Variants in ROBO2 observed in about 807,000 individuals in gnomAD.
ROBO2 encodes roundabout guidance receptor 2.
Under a neutral mutation model 160.8 loss-of-function variants are expected in ROBO2, and 53 were observed. That is an observed-to-expected ratio of 0.33 (90% CI 0.26 to 0.41). The LOEUF (loss-of-function observed/expected upper bound fraction) is 0.41. ROBO2 is among the 10% of genes least tolerant of loss of function. The pLI, the probability that ROBO2 is intolerant of heterozygous loss-of-function variation, is 1.00. For missense variants in ROBO2, 1,577 were observed against 1,722.4 expected, an observed-to-expected ratio of 0.92 and a Z score of 1.49; for synonymous variants, 664 against 611.7, an observed-to-expected ratio of 1.09 and a Z score of -1.26.
In ROBO2 at chr3:77,493,661, A is replaced by C. The variant is rs78240765; in HGVS notation, c.806+279A>C. On this transcript the variant is annotated intron_variant, in intron 5 of 25. Coordinates refer to ENST00000461745, the Ensembl canonical transcript of ROBO2. ...TTCCTGGGTGCCTTCTTTCCCCTGG[A>C]CCCTTTGAGGTATACCATTCTGTTC... Among the ~76,000 whole-genome samples, 1,385 of 151,996 alleles carry C rather than the reference A, an allele frequency of 9.1e-3. 21 individuals are homozygous for C. Among genetic ancestry groups the C allele is most frequent in the African/African-American group, 0.032 (1,335 of 41,452 alleles).
At chr3:76,433,912 T>G in intron 2 of ROBO2, 1 of 617,022 alleles carries the variant, frequency 1.6e-6, no homozygotes. Context: ...CTCATGACCA[T>G]TTGTGATTTG....
At chr3:76,471,691 T>G (rs1287019796) in intron 2 of ROBO2, among the ~76,000 whole-genome samples, 1 of 152,184 alleles carries the variant, frequency 6.6e-6, no homozygotes, top group Non-Finnish European at 1.5e-5. Flanking sequence ...TATTAGTCTG[T>G]TCTCATGCTG....
At chr3:76,372,831 C>G (rs2076169752) in intron 2 of ROBO2, among the ~76,000 whole-genome samples, 1 of 152,026 alleles carries the variant, frequency 6.6e-6, no homozygotes, top group African/African-American at 2.4e-5. Flanking sequence ...CTAGGAAATG[C>G]TAACCCTTCC....
chr3:76,391,129 A>C (rs983325967), intron 2 of ROBO2, among the ~76,000 whole-genome samples: 2 of 152,066 alleles, frequency 1.3e-5, no homozygotes, highest in Non-Finnish European at 2.9e-5. Flanking sequence ...TATCATTAAC[A>C]GTATTTTGCA....
At chr3:77,562,493 A>G (rs1482629961) in intron 9 of ROBO2, among the ~76,000 whole-genome samples, 158 bp from the exon 11 acceptor site, 2 of 152,150 alleles carry the variant, frequency 1.3e-5, no homozygotes, top group African/African-American at 4.8e-5. Context: ...AGTTTATTTC[A>G]TTATTTTATG....
intron 9 of ROBO2, among the ~76,000 whole-genome samples, chr3:77,560,304 G>A (rs1047961370): frequency 6.6e-6 from 1 of 152,080 alleles, no homozygotes; most frequent in East Asian, 1.9e-4. Context: ...AATTTATTAA[G>A]GGTAAAAGGA....
intron 2 of ROBO2, among the ~76,000 whole-genome samples, chr3:76,147,336 T>C (rs1046134248): frequency 6.6e-6 from 1 of 150,656 alleles, no homozygotes. Context: ...TAAATGTTAC[T>C]ATATATTGTT....
intron 2 of ROBO2, among the ~76,000 whole-genome samples, chr3:76,452,299 G>A (rs1019265465): frequency 2.6e-5 from 4 of 151,896 alleles, no homozygotes; most frequent in East Asian, 1.9e-4. Context: ...TTAGCATTAG[G>A]TGTATCTCCT....
chr3:76,398,219 G>A (rs996409943), intron 2 of ROBO2, among the ~76,000 whole-genome samples: 54 of 148,676 alleles, frequency 3.6e-4, no homozygotes, highest in Admixed American at 2.4e-3. Flanking sequence ...GTAAACTATC[G>A]CAAGGAGAAA....
chr3:76,707,734 TA>T (rs2093199232), intron 2 of ROBO2, among the ~76,000 whole-genome samples: 1 of 28,154 alleles, frequency 3.6e-5, no homozygotes, highest in African/African-American at 2.5e-4. Flanking sequence ...TGTGTGTGTA[TA>T]TATATATATA....
At chr3:76,655,866 G>A (rs1396722921) in intron 2 of ROBO2, among the ~76,000 whole-genome samples, 1 of 151,478 alleles carries the variant, frequency 6.6e-6, no homozygotes, top group Non-Finnish European at 1.5e-5. Flanking sequence ...TCAACACAAA[G>A]TTCTTAAAAA....
chr3:77,205,765 T>G (rs1390231702), intron 2 of ROBO2, among the ~76,000 whole-genome samples: 1 of 152,182 alleles, frequency 6.6e-6, no homozygotes, highest in Non-Finnish European at 1.5e-5. Flanking sequence ...CCGATTATAT[T>G]TCAAAGATAA....
intron 1 of ROBO2, among the ~76,000 whole-genome samples, chr3:77,093,822 T>A: frequency 6.6e-6 from 1 of 152,144 alleles, no homozygotes; most frequent in East Asian, 1.9e-4. Flanking sequence ...TCACTTTATG[T>A]CCTAATTATC....
At chr3:76,738,516 A>G (rs1045137776) in intron 2 of ROBO2, among the ~76,000 whole-genome samples, 1 of 152,220 alleles carries the variant, frequency 6.6e-6, no homozygotes, top group Non-Finnish European at 1.5e-5. Context: ...GTCTCCAGAC[A>G]TCGCCACTTG....
At chr3:77,092,154 A>C (rs2070378813) in intron 1 of ROBO2, 1 of 152,076 alleles carries the variant, frequency 6.6e-6, no homozygotes, top group African/African-American at 2.4e-5. Flanking sequence ...ATGAAGAATT[A>C]GAAAAAAAAA....
At chr3:77,243,609 C>T (rs528233436) in intron 2 of ROBO2, among the ~76,000 whole-genome samples, 2 of 152,124 alleles carry the variant, frequency 1.3e-5, no homozygotes, top group African/African-American at 4.8e-5. Context: ...ATTGGTGCTT[C>T]GCAAAGCTGT....
At chr3:77,040,015 C>G in exon 1 of ROBO2, 1 of 789,670 alleles carries the variant, frequency 1.3e-6, no homozygotes, top group Non-Finnish European at 1.5e-6. Flanking sequence ...GAGGCGGCAC[C>G]GCGGGGGTGT....
intron 2 of ROBO2, among the ~76,000 whole-genome samples, chr3:77,445,181 C>A (rs77250047): frequency 6.6e-6 from 1 of 152,106 alleles, no homozygotes; most frequent in Admixed American, 6.5e-5. Flanking sequence ...GAAAGATGGG[C>A]ACCTGGCCCA....
At chr3:76,328,827 C>T (rs772166623) in intron 2 of ROBO2, among the ~76,000 whole-genome samples, 1 of 151,448 alleles carries the variant, frequency 6.6e-6, no homozygotes, top group Non-Finnish European at 1.5e-5. Flanking sequence ...CCACCGCACT[C>T]CAGCCTGGGC....
Sources: gnomAD v4.1 joint callset for allele counts (sites outside exome capture counted in the v4.1 genomes callset) on GRCh38, gnomAD v4.1.1 for gene constraint, MANE v1.5 for transcripts, NCBI Gene and HGNC (gene_info 2026-07-23, HGNC 2026-07-21) for gene names.